NEB: variants seen among roughly 807,000 people sequenced by gnomAD.
NEB encodes nemaline myopathy type 2.
Under a neutral mutation model 952.2 loss-of-function variants are expected in NEB, and 512 were observed. That is an observed-to-expected ratio of 0.54 (90% CI 0.50 to 0.58). NEB has a LOEUF of 0.58. NEB is among the 20% of genes least tolerant of loss of function. The pLI, the probability that NEB is intolerant of heterozygous loss-of-function variation, is 0.00. For synonymous variants in NEB, 2,900 were observed against 3,149.8 expected, an observed-to-expected ratio of 0.92 and a Z score of 2.66; for missense variants, 8,428 against 9,231.1, an observed-to-expected ratio of 0.91 and a Z score of 3.56.
rs746963507 is a variant in NEB, at chr2:151,694,523, T to A, written c.1781A>T (p.Asp594Val). 1.2e-6 allele frequency: 2 copies of A among 1,613,610 alleles called. No homozygotes were observed. Among genetic ancestry groups the A allele is most frequent in the East Asian group, 4.5e-5 (2 of 44,870 alleles). ...TCCAGGTCCCCAGGCCACACTCACA[T>A]CGCTGGTGTTCTTGGTGTTGGCTTT... ...AAKANTKNTS[D>V]VMYKKDYEKN... Residue 594 changes from aspartate to valine, a missense_variant and splice_region_variant, in exon 19 of 182, where the codon GAT becomes GTT. Asp to Val is a radical substitution (Grantham distance 152, BLOSUM62 -3). Coordinates refer to ENST00000397345, the MANE Select transcript of NEB (RefSeq NM_001164508.2).
Position 151,684,832 on chromosome 2 carries a change from G to C in NEB, c.2781C>G (p.Pro927=), listed in dbSNP as rs745481666. Residue 927 remains proline, a synonymous_variant, in exon 28 of 182, where the codon CCC becomes CCG. Transcript: ENST00000397345. The part of the protein sequence containing the change: ...YKHILHSYSY[P]PDSINVDLAK... ...CAAGGTCCACATTGATGCTATCAGG[G>C]GGGTAGCTGTAACTGTGTAAGATGT... 1.4e-5 allele frequency: 22 copies of C among 1,613,216 alleles called. No individual in the cohort carries two copies. In the Admixed American group the frequency reaches 2.0e-4, roughly 15 times the overall value.
chr2:151,542,972 T>C (rs927517384), intron 135 of NEB, among the ~76,000 whole-genome samples: 1 of 152,204 alleles, frequency 6.6e-6, no homozygotes, highest in Non-Finnish European at 1.5e-5. Flanking sequence ...TGGAACTCAT[T>C]ATGGCTGCTT....
chr2:151,505,510 G>T lies in NEB; in HGVS notation c.23710C>A (p.Arg7904Ser). ...TPIPDLPEVKRVKETQKHISS... is the reference protein window; with the variant it reads ...TPIPDLPEVKSVKETQKHISS... ...ATGTGCTTCTGCGTCTCCTTCACAC[G>T]TTTCACTTCAGGCAGGTCAGGGATT... The change falls in exon 165 of 182, where the codon CGT becomes AGT. Residue 7904 changes from arginine (R) to serine (S), a missense_variant. Around this residue, in one of 11 missense-constraint regions of NEB, gnomAD observed 3,374 missense variants for 3,651.5 expected, o/e 0.92. Coordinates refer to ENST00000397345, the MANE Select transcript of NEB (RefSeq NM_001164508.2). 1.2e-6 allele frequency: 2 copies of T among 1,613,662 alleles called. No homozygotes were observed. The highest frequency in any genetic ancestry group is 2.7e-5 in the African/African-American group (2 of 75,006).
Position 151,724,142 on chromosome 2 carries a change from T to G in NEB, c.612+118A>C, listed in dbSNP as rs530150106. On this transcript the variant is annotated intron_variant, in intron 8 of 181. Transcript: ENST00000397345. Reference sequence around the variant, plus strand: ...CCTGCAGTCTCACATGTCTCAAGGCTACTCATAAAAAGATTGGGGAATTGT... The same window carrying G: ...CCTGCAGTCTCACATGTCTCAAGGCGACTCATAAAAAGATTGGGGAATTGT... 13 of 796,286 alleles carry G rather than the reference T, an allele frequency of 1.6e-5. No homozygotes were observed. In the East Asian group the frequency reaches 3.6e-4, roughly 22 times the overall value. The allele number at this position is 796,286 out of a possible 1,614,324, so 49.3% of individuals were successfully genotyped here.
chr2:151,703,999 T>C (rs1204995003), intron 13 of NEB, among the ~76,000 whole-genome samples: 4 of 131,424 alleles, frequency 3.0e-5, no homozygotes, highest in African/African-American at 8.6e-5. Context: ...TTTTATCTAC[T>C]CTTGGTCTTT....
At position 151,627,592 on chromosome 2, in the gene NEB, G is replaced by A. The variant is rs896373241; in HGVS notation, c.10074C>T (p.His3358=). ...TCTGGTCGGGCAGGCACGTCCACTC[G>A]TGCAGGTAGTTCTTGTAGTCCACAT... ...VSDVDYKNYL[H]EWTCLPDQND... The change falls in exon 69 of 182, where the codon CAC becomes CAT. Residue 3358 remains histidine (H), a synonymous_variant. Transcript: ENST00000397345. 1.3e-5 allele frequency: 21 copies of A among 1,613,872 alleles called. No homozygotes were observed. Among genetic ancestry groups the A allele is most frequent in the African/African-American group, 5.3e-5 (4 of 74,926 alleles).
At chr2:151,726,108 T>A (rs556660124) in intron 5 of NEB, among the ~76,000 whole-genome samples, 1 of 152,334 alleles carries the variant, frequency 6.6e-6, no homozygotes, top group African/African-American at 2.4e-5. Flanking sequence ...AATTTATCAT[T>A]ATAAATGTTT....
intron 68 of NEB, among the ~76,000 whole-genome samples, chr2:151,628,437 T>C (rs1287089735): frequency 1.1e-4 from 17 of 152,174 alleles, no homozygotes; most frequent in Admixed American, 1.1e-3. Flanking sequence ...AAAAATGGAA[T>C]ATGTATCTAC....
chr2:151,631,358 AAAAAAGTC>A lies in NEB; in HGVS notation c.9415-20_9415-13del. Reference sequence around the variant, plus strand: ...GACTTGTAAATATTCTGAGCAGAGGAAAAAAGTCAAAAACTCTTCATCAAGACCACAAT... The same window carrying A: ...GACTTGTAAATATTCTGAGCAGAGGAAAAAACTCTTCATCAAGACCACAAT... On this transcript the variant is annotated splice_polypyrimidine_tract_variant and intron_variant, in intron 65 of 181. Coordinates refer to ENST00000397345, the MANE Select transcript of NEB (RefSeq NM_001164508.2). 2 of 1,603,150 alleles carry A rather than the reference AAAAAAGTC, an allele frequency of 1.2e-6. No individual in the cohort carries two copies. The highest frequency in any genetic ancestry group is 1.7e-6 in the Non-Finnish European group (2 of 1,172,216).
At chr2:151,695,926 C>A (rs140896726) in intron 17 of NEB, among the ~76,000 whole-genome samples, 4 of 152,290 alleles carry the variant, frequency 2.6e-5, no homozygotes, top group Admixed American at 1.3e-4. Context: ...CCCCTCCCTG[C>A]GTAGCACAAT....
rs1166941249 is a variant in NEB at position 151,505,560 on chromosome 2, T to G, written c.23660A>C (p.Lys7887Thr). Residue 7887 changes from lysine (K) to threonine (T), a missense_variant, in exon 165 of 182, where the codon AAG becomes ACG. Lys to Thr is a moderately conservative substitution (Grantham distance 78, BLOSUM62 -1). Transcript: ENST00000397345. ...TGGAGTTCCTTGTCCTATTGCTTCCTTATACTTCACCTGCAGATTTAAAAA... is the reference window on the plus strand; with the variant it reads ...TGGAGTTCCTTGTCCTATTGCTTCCGTATACTTCACCTGCAGATTTAAAAA... The part of the protein sequence containing the change: ...TQDHISSVKY[K>T]EAIGQGTPIP... 6.2e-7 allele frequency: 1 copy of G among 1,613,030 alleles called. No homozygotes were observed. The highest frequency in any genetic ancestry group is 8.5e-7 in the Non-Finnish European group (1 of 1,179,106).
intron 135 of NEB, 67 bp downstream of exon 135, chr2:151,545,821 C>A: frequency 1.1e-6 from 1 of 949,192 alleles, no homozygotes; most frequent in Non-Finnish European, 1.6e-6. Flanking sequence ...AACTAAGAGC[C>A]TTGTGGAGTA....
intron 135 of NEB, among the ~76,000 whole-genome samples, chr2:151,542,860 A>G (rs1246946559): frequency 1.3e-5 from 2 of 152,226 alleles, no homozygotes; most frequent in African/African-American, 2.4e-5. Context: ...TATAACACCT[A>G]CAAGTCTTTA....
At position 151,540,318 on chromosome 2, in the gene NEB, A is replaced by C; in HGVS notation, c.20892+26T>G. On this transcript the variant is annotated intron_variant, in intron 138 of 181. Transcript: ENST00000397345. ...CAACCTCAGCTCTCCCCATCACAAC[A>C]GAAGAAAAAAGGAAGGGATGCATAC... The C allele has an allele frequency of 7.8e-6, 11 of 1,416,486 alleles. 1 individual carries two copies. The South Asian group carries it at 1.3e-4, about 16-fold the overall frequency. 87.7% of individuals were successfully genotyped at this position (1,416,486 alleles called of 1,614,324 possible). A position where few individuals can be genotyped will look rare whatever the true frequency, so the allele number is the denominator to read the frequency against.
At chr2:151,677,513 T>C (rs1211085450) in intron 34 of NEB, 52 bp downstream of exon 34, 17 of 1,383,496 alleles carry the variant, frequency 1.2e-5, no homozygotes, top group Non-Finnish European at 1.7e-5. Context: ...CTGTTTACTT[T>C]TCTAAAAAGC....
Position 151,680,054 on chromosome 2 carries a change from ATAAAG to A in NEB, c.3043-37_3043-33del, listed in dbSNP as rs553020641. 1.7e-3 allele frequency: 2,511 copies of A among 1,459,110 alleles called. 9 individuals are homozygous for A. Among genetic ancestry groups the A allele is most frequent in the Middle Eastern group, 5.9e-3 (34 of 5,766 alleles). 90.4% of individuals were successfully genotyped at this position (1,459,110 alleles called of 1,614,324 possible). On this transcript the variant is annotated intron_variant, in intron 30 of 181. Transcript: ENST00000397345. ...GAGAAAAAAATGCATAAACAAACAA[ATAAAG>A]TAGAAAGAAAATTTAATGGCACCAG... is the stretch of plus-strand genomic sequence containing the variant.
chr2:151,512,183 A>T (rs1310304893), intron 161 of NEB, among the ~76,000 whole-genome samples: 1 of 151,686 alleles, frequency 6.6e-6, no homozygotes, highest in African/African-American at 2.4e-5. Context: ...GGTGCCTGCC[A>T]CCACGCCCGG....
At position 151,555,786 on chromosome 2, in the gene NEB, A is replaced by G. The variant is rs185639566; in HGVS notation, c.19315-742T>C. Among the ~76,000 whole-genome samples the G allele has an allele frequency of 2.8e-4, 42 of 152,106 alleles. 1 individual carries two copies. Among genetic ancestry groups the G allele is most frequent in the African/African-American group, 8.0e-4 (33 of 41,488 alleles). On this transcript the variant is annotated intron_variant, in intron 124 of 181. Coordinates refer to ENST00000397345, the MANE Select transcript of NEB (RefSeq NM_001164508.2). ...TGACTGGAGGCCAACCAAAATTTCC[A>G]CTAGATTTTTCCAAAACAGAAAATC...
Position 151,562,603 on chromosome 2 carries a change from C to T in NEB, c.18891+8G>A. The stretch of plus-strand genomic sequence containing the variant: ...TAGCTGAGTCAAGCTGCAGAAGGGA[C>T]ATCATACATCACTCAAGATCTCCTG... On this transcript the variant is annotated splice_region_variant and intron_variant, in intron 120 of 181. Coordinates refer to ENST00000397345, the MANE Select transcript of NEB (RefSeq NM_001164508.2). The T allele has an allele frequency of 2.6e-6, 4 of 1,558,842 alleles. 1 individual carries two copies. In the South Asian group the frequency reaches 3.7e-5, roughly 14 times the overall value.
Sources: gnomAD v4.1 joint callset for allele counts (sites outside exome capture counted in the v4.1 genomes callset) on GRCh38, gnomAD v4.1.1 for gene constraint, gnomAD v4.1.1 regional missense constraint, MANE v1.5 for transcripts, NCBI Gene and HGNC (gene_info 2026-07-23, HGNC 2026-07-21) for gene names.